The following FXYD2 variants were observed in gnomAD, a reference collection of about 807,000 sequenced individuals.
FXYD2 encodes the protein sodium/potassium-transporting ATPase subunit gamma.
FXYD2 carries 8 observed loss-of-function variants against 11.8 expected under a neutral mutation model. The ratio of observed to expected loss-of-function variants is 0.68; its 90% CI spans 0.40 to 1.22. FXYD2 has a LOEUF of 1.22. FXYD2 is among the 50% of genes most tolerant of loss of function. FXYD2 has a pLI of 0.01. For synonymous variants in FXYD2, 42 were observed against 33.3 expected (o/e 1.26, Z -0.90); for missense variants, 92 against 91.8 (o/e 1.00, Z -0.01).
rs2055931996 is a variant in FXYD2, at chr11:117,822,509, G to A, written c.65-29C>T. On this transcript the variant is annotated intron_variant, in intron 2 of 5. Coordinates refer to ENST00000292079, the MANE Select transcript of FXYD2 (RefSeq NM_001680.5). This position sits in a 1 kb window ranked among gnomAD's most constrained non-coding sequence, Gnocchi z 4.7. ...CGGAAAGAGAGGGCAAGAGGAGCGG[G>A]ATGGGTGGTCTCTCCCAGCAGCTGT... 1.3e-6 allele frequency: 2 copies of A among 1,556,686 alleles called. No homozygotes were observed. Among genetic ancestry groups the A allele is most frequent in the Non-Finnish European group, 1.7e-6 (2 of 1,149,458 alleles).
At position 117,820,863 on chromosome 11, in the gene FXYD2, G is replaced by T; in HGVS notation, c.172C>A (p.Arg58Ser). The change falls in exon 4 of 6, where the codon CGC (arginine) becomes AGC (serine). Residue 58 changes from arginine to serine, a missense_variant. Transcript: ENST00000292079. Reference sequence around the variant, plus strand: ...GTCACCCCAGGCAGCGCTCACCTGCGCTTCTTATTGCCCCCACAGCGGAAT... The same window carrying T: ...GTCACCCCAGGCAGCGCTCACCTGCTCTTCTTATTGCCCCCACAGCGGAAT... Reference protein sequence around the residue: ...RRFRCGGNKKRRQINEDEP With the variant: ...RRFRCGGNKKSRQINEDEP The T allele has an allele frequency of 1.2e-6, 2 of 1,612,462 alleles. No homozygotes were observed. Among genetic ancestry groups the T allele is most frequent in the Non-Finnish European group, 1.7e-6 (2 of 1,179,814 alleles).
chr11:117,821,405 TAA>T (rs2055900315), intron 3 of FXYD2: 8 of 986,482 alleles, frequency 8.1e-6, no homozygotes, highest in Non-Finnish European at 8.4e-6. Flanking sequence ...TTTAAGAACC[TAA>T]GTCAGTCAGT....
upstream of FXYD2, chr11:117,828,028 G>A (rs955056578): frequency 6.4e-6 from 10 of 1,550,708 alleles, no homozygotes; most frequent in East Asian, 4.9e-5. Context: ...GGAGCTGCTG[G>A]TTGTGTCCAG....
At chr11:117,824,756 C>A, upstream of FXYD2, 2 of 1,574,938 alleles carry the variant, frequency 1.3e-6, no homozygotes, top group Non-Finnish European at 1.7e-6. The surrounding 1 kb of genome is among the most constrained non-coding windows in gnomAD (Gnocchi z 4.0). Flanking sequence ...GCTGCCTCCA[C>A]GGGGTGGCCG....
intron 1 of FXYD2, among the ~76,000 whole-genome samples, chr11:117,823,895 C>T (rs943394553): frequency 3.9e-5 from 6 of 152,224 alleles, no homozygotes; most frequent in South Asian, 2.1e-4. Context: ...CCCATCCTGA[C>T]GGGCCTGAGG....
At chr11:117,827,231 G>A (rs890744285), upstream of FXYD2, among the ~76,000 whole-genome samples, 5 of 152,170 alleles carry the variant, frequency 3.3e-5, no homozygotes, top group Admixed American at 6.5e-5. Flanking sequence ...GCAAGGCACC[G>A]TTTCAAGCAC....
At chr11:117,821,769 G>A (rs759420938) in intron 3 of FXYD2, 40 of 988,862 alleles carry the variant, frequency 4.0e-5, no homozygotes, top group Non-Finnish European at 4.8e-5. Flanking sequence ...ACTGTGGCCC[G>A]AGCCTTGGGG....
intron 3 of FXYD2, chr11:117,821,332 A>G (rs2055897732): frequency 1.0e-6 from 1 of 988,508 alleles, no homozygotes; most frequent in African/African-American, 1.7e-5. Flanking sequence ...ATATGCCGGC[A>G]TTACAGGCAT....
intron 5 of FXYD2, 117 bp from the exon 6 acceptor site, chr11:117,820,489 A>C (rs1280174978): frequency 1.4e-6 from 1 of 716,844 alleles, no homozygotes; most frequent in African/African-American, 1.8e-5. Context: ...TGCGGCACAC[A>C]CTCCACGCCA....
upstream of FXYD2, among the ~76,000 whole-genome samples, chr11:117,825,277 C>T (rs570430077): frequency 6.6e-6 from 1 of 152,212 alleles, no homozygotes; most frequent in Non-Finnish European, 1.5e-5. Flanking sequence ...GGCCCTTCAT[C>T]TGTCATCCTA....
chr11:117,821,638 G>A (rs1324391087), intron 3 of FXYD2: 18 of 985,768 alleles, frequency 1.8e-5, no homozygotes, highest in South Asian at 9.4e-5. Flanking sequence ...GAGCTGCCAC[G>A]GGCAACATGT....
At chr11:117,825,065 T>G (rs752304417), upstream of FXYD2, among the ~76,000 whole-genome samples, 1 of 152,132 alleles carries the variant, frequency 6.6e-6, no homozygotes, top group Non-Finnish European at 1.5e-5. Flanking sequence ...ACTTGGGAGT[T>G]TCTGGGGGCA....
upstream of FXYD2, among the ~76,000 whole-genome samples, chr11:117,827,268 A>G (rs2056065306): frequency 6.6e-6 from 1 of 152,060 alleles, no homozygotes; most frequent in Admixed American, 6.5e-5. Flanking sequence ...CTTTTTTTTA[A>G]GACGGAGTTT....
Position 117,824,544 on chromosome 11 carries a change from GC to G in FXYD2, c.25+109del. On this transcript the variant is annotated intron_variant, in intron 1 of 5. Transcript: ENST00000292079. The surrounding 1 kb of genome is among the most constrained non-coding windows in gnomAD (Gnocchi z 4.0). Reference sequence around the variant, plus strand: ...GAAGAGGGGCTGGGTACTCTGGAAGGCTGAGGTGGCAGGAGAGGGAAGAGTA... The same window carrying G: ...GAAGAGGGGCTGGGTACTCTGGAAGGTGAGGTGGCAGGAGAGGGAAGAGTA... 1.1e-6 allele frequency: 1 copy of G among 887,240 alleles called. No individual in the cohort carries two copies. The highest frequency in any genetic ancestry group is 1.9e-6 in the Non-Finnish European group (1 of 533,746). The allele number at this position is 887,240 out of a possible 1,614,324, so 55.0% of individuals were successfully genotyped here.
At chr11:117,826,047 G>A (rs1173632408), upstream of FXYD2, among the ~76,000 whole-genome samples, 1 of 152,166 alleles carries the variant, frequency 6.6e-6, no homozygotes, top group African/African-American at 2.4e-5. Flanking sequence ...CAGCTCCTAG[G>A]GTGGTGGTGA....
At chr11:117,827,948 G>T, upstream of FXYD2, 1 of 1,277,964 alleles carries the variant, frequency 7.8e-7, no homozygotes, top group Non-Finnish European at 1.1e-6. Flanking sequence ...GCTGGCACCT[G>T]TGTTAGAGCC....
Position 117,824,571 on chromosome 11 carries a change from G to C in FXYD2, c.25+83C>G, listed in dbSNP as rs969996878. On this transcript the variant is annotated intron_variant, in intron 1 of 5. Transcript: ENST00000292079. The surrounding 1 kb of genome is among the most constrained non-coding windows in gnomAD (Gnocchi z 4.0). ...TGAGGTGGCAGGAGAGGGAAGAGTA[G>C]GGTCCAGCTGACCCCACAAAGGCAG... 1.5e-5 allele frequency: 16 copies of C among 1,098,044 alleles called. No homozygotes were observed. The highest frequency in any genetic ancestry group is 2.0e-5 in the Non-Finnish European group (14 of 713,698). 68.0% of individuals were successfully genotyped at this position (1,098,044 alleles called of 1,614,324 possible).
chr11:117,827,926 GA>G, upstream of FXYD2: 4 of 1,094,742 alleles, frequency 3.7e-6, no homozygotes. Context: ...GGGTGCACTT[GA>G]AAGGGACGGG....
At position 117,824,514 on chromosome 11, in the gene FXYD2, G is replaced by T; in HGVS notation, c.25+140C>A. On this transcript the variant is annotated intron_variant, in intron 1 of 5. Coordinates refer to ENST00000292079, the MANE Select transcript of FXYD2 (RefSeq NM_001680.5). This position sits in a 1 kb window ranked among gnomAD's most constrained non-coding sequence, Gnocchi z 4.0. ...TGCAAATTTTCTTAGAGAGGAGGCC[G>T]ACAGGAAGAGGGGCTGGGTACTCTG... The T allele has an allele frequency of 1.3e-6, 1 of 741,340 alleles. No homozygotes were observed. The highest frequency in any genetic ancestry group is 2.7e-5 in the East Asian group (1 of 37,300). 45.9% of individuals were successfully genotyped at this position (741,340 alleles called of 1,614,324 possible).
Sources: gnomAD v4.1 joint callset for allele counts (sites outside exome capture counted in the v4.1 genomes callset) on GRCh38, gnomAD v4.1.1 for gene constraint, Gnocchi (gnomAD v3.1) non-coding constraint, MANE v1.5 for transcripts, NCBI Gene and HGNC (gene_info 2026-07-23, HGNC 2026-07-21) for gene names.